Variants in KAT2A observed in about 807,000 individuals in gnomAD.
The protein encoded by KAT2A is histone acetyltransferase KAT2A.
In KAT2A, 42 loss-of-function variants were observed where a neutral mutation model predicts 95.2. The observed-to-expected ratio is 0.44, with a 90% CI of 0.34 to 0.57. The LOEUF is 0.57. Ranked by LOEUF, KAT2A falls within the 20% of genes least tolerant of loss-of-function variation. The pLI is 0.01. For synonymous variants in KAT2A, 449 were observed against 448.2 expected, an observed-to-expected ratio of 1.00 and a Z score of -0.02; for missense variants, 784 against 1,126.3, an observed-to-expected ratio of 0.70 and a Z score of 4.35.
chr17:42,118,252 A>C, intron 7 of KAT2A, 45 bp downstream of exon 7: 3 of 1,449,624 alleles, frequency 2.1e-6, no homozygotes, highest in Non-Finnish European at 2.9e-6. Flanking sequence ...GGCTTAGCTC[A>C]GCCAGGCAGG....
chr17:42,115,266 G>GC (rs1401007343), intron 12 of KAT2A, among the ~76,000 whole-genome samples: 2 of 124,984 alleles, frequency 1.6e-5, no homozygotes, highest in African/African-American at 3.6e-5. Context: ...TGCTCTACTG[G>GC]CCCCCCAGTT....
At chr17:42,120,197 C>A (rs782136396) in intron 3 of KAT2A, 28 bp downstream of exon 3, 2 of 1,614,078 alleles carry the variant, frequency 1.2e-6, no homozygotes, top group Non-Finnish European at 1.7e-6. Context: ...ACCTCCTTCA[C>A]TCACACCCTC....
At chr17:42,116,969 C>A in intron 11 of KAT2A, 66 bp downstream of exon 11, 1 of 1,593,396 alleles carries the variant, frequency 6.3e-7, no homozygotes, top group Non-Finnish European at 8.6e-7. Context: ...CATCCTGCTG[C>A]TCCGAACTGG....
At position 42,117,813 on chromosome 17, in the gene KAT2A, G is replaced by T. The variant is rs377585027; in HGVS notation, c.1293C>A (p.Gly431=). The T allele has an allele frequency of 1.4e-5, 22 of 1,613,478 alleles. No individual in the cohort carries two copies. Among genetic ancestry groups the T allele is most frequent in the Non-Finnish European group, 1.4e-5 (17 of 1,179,678 alleles). The change falls in exon 9 of 18, where the codon GGC becomes GGA. Residue 431 remains glycine (G), a splice_region_variant and synonymous_variant. Transcript: ENST00000225916. This position sits in a 1 kb window ranked among gnomAD's most constrained non-coding sequence, Gnocchi z 8.9. Reference sequence around the variant, plus strand: ...GGTTCTCTGGGAGCGTCCTCTTCTCGCCTATTGGGGAGGCAGGCAAGGTTG... The same window carrying T: ...GGTTCTCTGGGAGCGTCCTCTTCTCTCCTATTGGGGAGGCAGGCAAGGTTG... ...LDSAGAEPMP[G]EKRTLPENLT... is the part of the protein sequence containing the mutation.
At chr17:42,120,940 C>A in intron 1 of KAT2A, 26 bp downstream of exon 1, 1 of 1,552,748 alleles carries the variant, frequency 6.4e-7, no homozygotes, top group East Asian at 2.4e-5. Flanking sequence ...CAAGCCCCGC[C>A]CCTTCACCCC....
chr17:42,117,374 T>A lies in KAT2A; in HGVS notation c.1637+14A>T. 1.2e-6 allele frequency: 2 copies of A among 1,612,590 alleles called. No individual in the cohort carries two copies. Among genetic ancestry groups the A allele is most frequent in the Non-Finnish European group, 1.7e-6 (2 of 1,179,230 alleles). ...GTGTGCTGCCCTGGGGGAGGGGCTC[T>A]CTGGGGGACGCACGGGTCAAAGACG... On this transcript the variant is annotated intron_variant, in intron 10 of 17. Coordinates refer to ENST00000225916, the MANE Select transcript of KAT2A (RefSeq NM_021078.3). The surrounding 1 kb of genome is among the most constrained non-coding windows in gnomAD (Gnocchi z 8.9).
intron 7 of KAT2A, 46 bp from the exon 8 acceptor site, chr17:42,118,063 A>G (rs12952244): frequency 0.16 from 185,199 of 1,191,300 alleles, 23,467 homozygotes; most frequent in African/African-American, 0.67. Flanking sequence ...GAAGCTGAGG[A>G]GAGAGAGAGA....
In KAT2A at chr17:42,119,464, G is replaced by C; in HGVS notation, c.882-28C>G. The C allele has an allele frequency of 6.3e-7, 1 of 1,593,868 alleles. No homozygotes were observed. The highest frequency in any genetic ancestry group is 1.1e-5 in the South Asian group (1 of 88,924). Reference sequence around the variant, plus strand: ...GGAGTAGGGGGTCGAGGGGGAGACAGGTGAGGGCGGAAACCACTGAACCCA... The same window carrying C: ...GGAGTAGGGGGTCGAGGGGGAGACACGTGAGGGCGGAAACCACTGAACCCA... On this transcript the variant is annotated intron_variant, in intron 5 of 17. Transcript: ENST00000225916. This position sits in a 1 kb window ranked among gnomAD's most constrained non-coding sequence, Gnocchi z 5.3.
At position 42,114,674 on chromosome 17, in the gene KAT2A, A is replaced by G; in HGVS notation, c.2020-70T>C. The G allele has an allele frequency of 1.4e-6, 2 of 1,409,966 alleles. No homozygotes were observed. The highest frequency in any genetic ancestry group is 1.7e-5 in the Admixed American group (1 of 57,434). 87.3% of individuals were successfully genotyped at this position (1,409,966 alleles called of 1,614,324 possible). A position where few individuals can be genotyped will look rare whatever the true frequency, so the allele number is the denominator to read the frequency against. On this transcript the variant is annotated intron_variant, in intron 13 of 17. Coordinates refer to ENST00000225916, the MANE Select transcript of KAT2A (RefSeq NM_021078.3). The surrounding 1 kb of genome is among the most constrained non-coding windows in gnomAD (Gnocchi z 6.0). ...CAACCCCTCCCAGGGCCACAGTCGG[A>G]GCCACTGGCTGCACCCACCCAGCTG...
Position 42,120,214 on chromosome 17 carries a change from T to C in KAT2A, c.609+11A>G, listed in dbSNP as rs1555667014. The C allele has an allele frequency of 1.2e-6, 2 of 1,614,142 alleles. No homozygotes were observed. Among genetic ancestry groups the C allele is most frequent in the Admixed American group, 1.7e-5 (1 of 60,022 alleles). On this transcript the variant is annotated intron_variant, in intron 3 of 17. Coordinates refer to ENST00000225916, the MANE Select transcript of KAT2A (RefSeq NM_021078.3). ...CTCCTTCACTCACACCCTCCTTTAGTGGAAGCTCACCTTGAAGAGGTAGAA... is the reference window on the plus strand; with the variant it reads ...CTCCTTCACTCACACCCTCCTTTAGCGGAAGCTCACCTTGAAGAGGTAGAA...
In KAT2A at chr17:42,120,121, T is replaced by C; in HGVS notation, c.610-2A>G. 1.2e-6 allele frequency: 2 copies of C among 1,614,026 alleles called. No homozygotes were observed. Among genetic ancestry groups the C allele is most frequent in the Non-Finnish European group, 1.7e-6 (2 of 1,179,976 alleles). ...CTGCAGGATGCATTTCCGCAGTAGC[T>C]AGAGAGAAGAGGAAGGGGGCATAGA... On this transcript the variant is annotated splice_acceptor_variant, in intron 3 of 17. Coordinates refer to ENST00000225916, the MANE Select transcript of KAT2A (RefSeq NM_021078.3). LOFTEE classifies it high-confidence loss of function.
rs1555665442 is a variant in KAT2A at position 42,114,186 on chromosome 17, A to AG, written c.2235+32dup. 2.5e-6 allele frequency: 4 copies of AG among 1,586,908 alleles called. No individual in the cohort carries two copies. Among genetic ancestry groups the AG allele is most frequent in the Non-Finnish European group, 3.4e-6 (4 of 1,165,346 alleles). On this transcript the variant is annotated intron_variant, in intron 16 of 17. Transcript: ENST00000225916. This position sits in a 1 kb window ranked among gnomAD's most constrained non-coding sequence, Gnocchi z 6.0. ...ATCAAGAGGCCACAGCCATTGGTGC[A>AG]GGGGCCCTGGAAAGGAAACCTGGTC...
intron 1 of KAT2A, 45 bp from the exon 2 acceptor site, chr17:42,120,874 G>T: frequency 6.3e-7 from 1 of 1,579,428 alleles, no homozygotes; most frequent in Non-Finnish European, 8.6e-7. Flanking sequence ...TCTGGGGCAA[G>T]AGCCGCTCCG....
At chr17:42,115,108 C>T in intron 12 of KAT2A, 73 bp from the exon 13 acceptor site, 1 of 1,515,042 alleles carries the variant, frequency 6.6e-7, no homozygotes, top group Non-Finnish European at 9.0e-7. Context: ...CACCTGGGAG[C>T]ACCAGAGGAG....
chr17:42,118,111 A>AGAC (rs1170542917), intron 7 of KAT2A, 94 bp from the exon 8 acceptor site: 1 of 680,834 alleles, frequency 1.5e-6, no homozygotes, highest in Non-Finnish European at 2.3e-6. Context: ...GGAGAGAGAG[A>AGAC]GTCAGGGACG....
Position 42,121,099 on chromosome 17 carries a change from C to A in KAT2A, c.206G>T (p.Gly69Val). 1 of 1,535,576 alleles carries A rather than the reference C, an allele frequency of 6.5e-7. No homozygotes were observed. The highest frequency in any genetic ancestry group is 2.4e-5 in the East Asian group (1 of 41,474). ...AGCCGGATCCCCCCCGCTCCCGGCCCCCCCACTTCCTACCCCGGGCCCCCC... is the reference window on the plus strand; with the variant it reads ...AGCCGGATCCCCCCCGCTCCCGGCCACCCCACTTCCTACCCCGGGCCCCCC... Reference protein sequence around the residue: ...GTGGPGVGSGGAGSGGDPARP... With the variant: ...GTGGPGVGSGVAGSGGDPARP... Residue 69 changes from glycine to valine, a missense_variant, in exon 1 of 18, where the codon GGG becomes GTG. Physicochemically the swap from Gly to Val is moderately radical, Grantham distance 109 (BLOSUM62 -3). Transcript: ENST00000225916.
Position 42,114,348 on chromosome 17 carries a change from T to C in KAT2A, c.2171+10A>G. The C allele has an allele frequency of 6.2e-7, 1 of 1,614,052 alleles. No individual in the cohort carries two copies. Among genetic ancestry groups the C allele is most frequent in the Non-Finnish European group, 8.5e-7 (1 of 1,179,948 alleles). ...TGCCCCACCCCCAACCCGGCTCCTTTGACACTCACCCCTTCTCCTTCCCCA... is the reference window on the plus strand; with the variant it reads ...TGCCCCACCCCCAACCCGGCTCCTTCGACACTCACCCCTTCTCCTTCCCCA... On this transcript the variant is annotated intron_variant, in intron 15 of 17. Transcript: ENST00000225916. This position sits in a 1 kb window ranked among gnomAD's most constrained non-coding sequence, Gnocchi z 6.0.
rs1406558726 is a variant in KAT2A at position 42,114,630 on chromosome 17, C to T, written c.2020-26G>A. The T allele has an allele frequency of 3.2e-6, 5 of 1,587,160 alleles. 1 individual carries two copies. In the East Asian group the frequency reaches 1.1e-4, roughly 35 times the overall value. On this transcript the variant is annotated intron_variant, in intron 13 of 17. Coordinates refer to ENST00000225916, the MANE Select transcript of KAT2A (RefSeq NM_021078.3). This position sits in a 1 kb window ranked among gnomAD's most constrained non-coding sequence, Gnocchi z 6.0. ...CTGAGGGAAGGAAGGGACTGAGGGG[C>T]CAACTCCAGCCCCAACAACAACCCC...
At chr17:42,115,118 G>C (rs1300744302) in intron 12 of KAT2A, 83 bp from the exon 13 acceptor site, 4 of 1,429,926 alleles carry the variant, frequency 2.8e-6, no homozygotes, top group Admixed American at 1.8e-5. Context: ...CACCAGAGGA[G>C]TAGCACGTGC....
Sources: allele counts gnomAD v4.1 joint callset (sites outside exome capture counted in the v4.1 genomes callset), GRCh38; gene constraint gnomAD v4.1.1; non-coding constraint Gnocchi (gnomAD v3.1); transcripts MANE v1.5; gene names NCBI Gene and HGNC (gene_info 2026-07-23, HGNC 2026-07-21).